Variants in GSAP observed in about 807,000 individuals in gnomAD.
The protein encoded by GSAP is gamma-secretase-activating protein.
GSAP carries 118 observed loss-of-function variants against 131.7 expected under a neutral mutation model. That is an observed-to-expected ratio of 0.90 (90% CI 0.77 to 1.04). The LOEUF (loss-of-function observed/expected upper bound fraction) is 1.04, where lower values mean the gene tolerates loss of function less well. Ranked by LOEUF, GSAP falls within the 50% of genes least tolerant of loss-of-function variation. The pLI, the probability that GSAP is intolerant of heterozygous loss-of-function variation, is 0.00. For missense variants in GSAP, 1,019 were observed against 1,013.2 expected (o/e 1.01, Z -0.08); for synonymous variants, 381 against 363.4 (o/e 1.05, Z -0.55).
Position 77,377,059 on chromosome 7 carries a change from A to G in GSAP, c.682-152T>C. On this transcript the variant is annotated intron_variant, in intron 9 of 30. Coordinates refer to ENST00000257626, the MANE Select transcript of GSAP (RefSeq NM_017439.4). ...TGTCAAAATCAAATTGTTCTTATAA[A>G]AAAGAGTGCTGGGGCCAAGCACTAT... 4.4e-6 allele frequency: 3 copies of G among 681,546 alleles called. 1 individual carries two copies. The South Asian group carries it at 6.2e-5, about 14-fold the overall frequency. The allele number at this position is 681,546 out of a possible 1,614,324, so 42.2% of individuals were successfully genotyped here.
At position 77,380,378 on chromosome 7, in the gene GSAP, C is replaced by T. The variant is rs185880569; in HGVS notation, c.576+927G>A. 2.8e-3 allele frequency among the ~76,000 whole-genome samples: 419 copies of T among 152,222 alleles called. 1 individual carries two copies. The highest frequency in any genetic ancestry group is 0.027 in the Middle Eastern group (8 of 294). ...TTGGAATTTATTAAATGCATGTACC[C>T]ATCGAACAATCCATCCCTGAGGATT... On this transcript the variant is annotated intron_variant, in intron 8 of 30. Transcript: ENST00000257626.
At chr7:77,339,333 G>A (rs1002714432) in intron 19 of GSAP, among the ~76,000 whole-genome samples, 5 of 152,194 alleles carry the variant, frequency 3.3e-5, no homozygotes, top group African/African-American at 7.2e-5. Context: ...CTGGGAATGA[G>A]AATCTCCTGA....
intron 12 of GSAP, among the ~76,000 whole-genome samples, chr7:77,366,916 C>G (rs962220885): frequency 6.6e-6 from 1 of 152,138 alleles, no homozygotes; most frequent in African/African-American, 2.4e-5. Context: ...TTGTAATTCT[C>G]ATTGTAGACA....
Position 77,311,380 on chromosome 7 carries a change from G to A in GSAP, c.2543C>T (p.Thr848Ile). ...EFVEEAALKHTAMLLGL is the reference protein window; with the variant it reads ...EFVEEAALKHIAMLLGL Reference sequence around the variant, plus strand: ...TTTTCATAAGCCTAAAAGCATCGCGGTGTGTTTCAGAGCTGCTTCCTCTAC... The same window carrying A: ...TTTTCATAAGCCTAAAAGCATCGCGATGTGTTTCAGAGCTGCTTCCTCTAC... The change falls in exon 31 of 31, where the codon ACC (threonine) becomes ATC (isoleucine). Residue 848 changes from threonine (T) to isoleucine (I), a missense_variant. By Grantham distance (89) the Thr-to-Ile change is moderately conservative. Coordinates refer to ENST00000257626, the MANE Select transcript of GSAP (RefSeq NM_017439.4). The A allele has an allele frequency of 6.2e-7, 1 of 1,608,228 alleles. No homozygotes were observed. The highest frequency in any genetic ancestry group is 8.5e-7 in the Non-Finnish European group (1 of 1,174,714).
At chr7:77,317,983 T>C (rs1458658958) in intron 26 of GSAP, among the ~76,000 whole-genome samples, 1 of 152,186 alleles carries the variant, frequency 6.6e-6, no homozygotes, top group African/African-American at 2.4e-5. Context: ...ATAAGGTGGA[T>C]GAAGAATGAA....
intron 26 of GSAP, among the ~76,000 whole-genome samples, chr7:77,318,858 G>C (rs1017317508): frequency 6.9e-6 from 1 of 144,916 alleles, no homozygotes; most frequent in Non-Finnish European, 1.5e-5. Context: ...TATGTAAGAG[G>C]GACTACACCC....
At chr7:77,399,767 T>C (rs963623641) in intron 3 of GSAP, among the ~76,000 whole-genome samples, 1 of 152,116 alleles carries the variant, frequency 6.6e-6, no homozygotes, top group Non-Finnish European at 1.5e-5. Context: ...AAGTACAGTT[T>C]TAAAACCCTG....
chr7:77,392,641 A>T (rs1359783812), intron 5 of GSAP, among the ~76,000 whole-genome samples: 1 of 152,222 alleles, frequency 6.6e-6, no homozygotes, highest in East Asian at 1.9e-4. Flanking sequence ...GAGAGACAGC[A>T]GGATCAGGCA....
chr7:77,317,716 T>A (rs1787052459), intron 26 of GSAP, among the ~76,000 whole-genome samples: 1 of 152,342 alleles, frequency 6.6e-6, no homozygotes, highest in East Asian at 1.9e-4. Flanking sequence ...TAAGTCAGTT[T>A]CATTTATTTT....
chr7:77,320,863 C>CTG, intron 25 of GSAP, 44 bp from the exon 26 acceptor site: 1 of 1,163,138 alleles, frequency 8.6e-7, no homozygotes, highest in Non-Finnish European at 1.3e-6. Flanking sequence ...AGGAGCTCAT[C>CTG]TGTGATGCTC....
chr7:77,330,809 C>T, intron 19 of GSAP: 3 of 984,686 alleles, frequency 3.0e-6, no homozygotes, highest in Non-Finnish European at 3.6e-6. Context: ...GGCGTACTTT[C>T]CTGCTAAATT....
intron 6 of GSAP, among the ~76,000 whole-genome samples, chr7:77,383,318 TCACACACACACACA>T (rs10539947): frequency 6.7e-6 from 1 of 150,198 alleles, no homozygotes; most frequent in African/African-American, 2.4e-5. Context: ...ATGTTCTATT[TCACACACACACACA>T]CACACACACA....
At position 77,342,624 on chromosome 7, in the gene GSAP, T is replaced by C. The variant is rs191444103; in HGVS notation, c.1545+6727A>G. 2.6e-5 allele frequency among the ~76,000 whole-genome samples: 4 copies of C among 152,190 alleles called. No individual in the cohort carries two copies. The East Asian group carries it at 7.7e-4, about 29-fold the overall frequency. ...TCTCTACTCCCCCCTTGGCGACCAA[T>C]CATGCACCCCTTACCATCCCATTAA... On this transcript the variant is annotated intron_variant, in intron 19 of 30. Transcript: ENST00000257626.
Position 77,416,136 on chromosome 7 carries a change from C to T in GSAP, c.109+77G>A, listed in dbSNP as rs1584009312. ...GGCGGCGACGCCCCGGGTTGCTCCC[C>T]ACCGGGTCGGAGTCCGGGGGGTATG... On this transcript the variant is annotated intron_variant, in intron 1 of 30. Transcript: ENST00000257626. The T allele has an allele frequency of 8.3e-6, 7 of 843,438 alleles. No homozygotes were observed. In the East Asian group the frequency reaches 2.0e-4, roughly 24 times the overall value. 52.2% of individuals were successfully genotyped at this position (843,438 alleles called of 1,614,324 possible). A position where few individuals can be genotyped will look rare whatever the true frequency, so the allele number is the denominator to read the frequency against.
intron 3 of GSAP, among the ~76,000 whole-genome samples, chr7:77,401,300 T>C (rs750602469): frequency 6.7e-6 from 1 of 150,224 alleles, no homozygotes; most frequent in Non-Finnish European, 1.5e-5. Context: ...CACAGCACAA[T>C]CAAACTTCAG....
chr7:77,387,314 T>C (rs2151071706), intron 6 of GSAP, 46 bp downstream of exon 6: 1 of 943,100 alleles, frequency 1.1e-6, no homozygotes. Context: ...CTAGGCTGCA[T>C]GCCTTTTGAT....
At chr7:77,416,179 G>GCCCCCCCCCC in intron 1 of GSAP, 34 bp downstream of exon 1, 2 of 435,046 alleles carry the variant, frequency 4.6e-6, no homozygotes, top group Non-Finnish European at 7.7e-6. Context: ...CCCACTCCCC[G>GCCCCCCCCCC]CCCCCACCCC....
intron 8 of GSAP, among the ~76,000 whole-genome samples, chr7:77,379,009 G>A (rs1042355120): frequency 1.3e-5 from 2 of 152,162 alleles, no homozygotes; most frequent in African/African-American, 4.8e-5. Context: ...GGCATAAAGA[G>A]TTGTAAACCA....
chr7:77,329,285 G>T, intron 21 of GSAP, 48 bp downstream of exon 21: 1 of 1,042,222 alleles, frequency 9.6e-7, no homozygotes, highest in Non-Finnish European at 1.4e-6. Context: ...CAAAGTAATT[G>T]TAAATGTCAA....
Sources: gnomAD v4.1 joint callset for allele counts (sites outside exome capture counted in the v4.1 genomes callset) on GRCh38, gnomAD v4.1.1 for gene constraint, MANE v1.5 for transcripts, NCBI Gene and HGNC (gene_info 2026-07-23, HGNC 2026-07-21) for gene names.